Variants in DBH observed in about 807,000 individuals in gnomAD.
DBH encodes dopamine beta-hydroxylase (dopamine beta-monooxygenase).
DBH carries 49 observed loss-of-function variants against 64.0 expected under a neutral mutation model. That is an observed-to-expected ratio of 0.77 (90% confidence interval 0.61 to 0.97). The LOEUF (loss-of-function observed/expected upper bound fraction) is 0.97, where lower values mean the gene tolerates loss of function less well. Among genes scored for constraint, DBH ranks in the 50% least tolerant of loss-of-function variants. DBH has a pLI of 0.00. For missense variants in DBH, 828 were observed against 826.6 expected, an observed-to-expected ratio of 1.00 and a Z score of -0.02; for synonymous variants, 343 against 347.1, an observed-to-expected ratio of 0.99 and a Z score of 0.13.
In DBH at chr9:133,657,428, A is replaced by AGGG; in HGVS notation, c.1722+200_1722+201insGGG. 2 of 420,272 alleles carry AGGG rather than the reference A, an allele frequency of 4.8e-6. 1 individual carries two copies. The highest frequency in any genetic ancestry group is 8.6e-6 in the Non-Finnish European group (2 of 231,572). The allele number at this position is 420,272 out of a possible 1,614,324, so 26.0% of individuals were successfully genotyped here. On this transcript the variant is annotated intron_variant, in intron 11 of 11. Coordinates refer to ENST00000393056, the MANE Select transcript of DBH (RefSeq NM_000787.4). Reference sequence around the variant, plus strand: ...AGAGAGGAGAGAGGAGAGAGAGGAGAGAGAGGAGAGAGAGGAGAGAGAGGA... The same window carrying AGGG: ...AGAGAGGAGAGAGGAGAGAGAGGAGAGGGGAGAGGAGAGAGAGGAGAGAGAGGA...
intron 1 of DBH, among the ~76,000 whole-genome samples, chr9:133,637,753 C>T (rs1832069553): frequency 6.6e-6 from 1 of 152,194 alleles, no homozygotes; most frequent in South Asian, 2.1e-4. Context: ...AGCTTGCCCC[C>T]TCCAATTCCC....
intron 6 of DBH, among the ~76,000 whole-genome samples, chr9:133,650,298 G>A (rs1832228598): frequency 6.6e-6 from 1 of 152,156 alleles, no homozygotes; most frequent in Non-Finnish European, 1.5e-5. Context: ...TCAGGGATGG[G>A]GCTGTCGGGA....
chr9:133,637,283 G>T (rs953314078), intron 1 of DBH, among the ~76,000 whole-genome samples: 4 of 152,240 alleles, frequency 2.6e-5, no homozygotes, highest in Admixed American at 2.6e-4. Flanking sequence ...AAACTGTTAG[G>T]ATGGGCTCTT....
chr9:133,656,987 G>A lies in DBH; in HGVS notation c.1563-83G>A, dbSNP rs1404001421. 3 of 1,490,746 alleles carry A rather than the reference G, an allele frequency of 2.0e-6. No homozygotes were observed. The African/African-American group carries it at 4.1e-5, about 21-fold the overall frequency. 92.3% of individuals were successfully genotyped at this position (1,490,746 alleles called of 1,614,324 possible). ...CGGTTGCCCCAGGGACAGGACTCGA[G>A]TTGCAGGGAGGTGTTGCTGGTGCCC... is the stretch of plus-strand genomic sequence containing the variant. On this transcript the variant is annotated intron_variant, in intron 10 of 11. Transcript: ENST00000393056.
At chr9:133,651,521 T>A in intron 6 of DBH, 113 bp from the exon 7 acceptor site, 1 of 1,336,216 alleles carries the variant, frequency 7.5e-7, no homozygotes. Context: ...AAAATGCAAG[T>A]GTTCCAGGGA....
chr9:133,646,698 ATTT>A lies in DBH; in HGVS notation c.1025-1145_1025-1143del, dbSNP rs1275544594. Among the ~76,000 whole-genome samples the A allele has an allele frequency of 7.9e-5, 12 of 151,676 alleles. No homozygotes were observed. The East Asian group carries it at 1.4e-3, about 17-fold the overall frequency. Reference sequence around the variant, plus strand: ...GCCACCACACCTGGCTAATTTTTGTATTTTTAGTAGAGACAGGGTTTCGCCATG... The same window carrying A: ...GCCACCACACCTGGCTAATTTTTGTATTAGTAGAGACAGGGTTTCGCCATG... On this transcript the variant is annotated intron_variant, in intron 5 of 11. Transcript: ENST00000393056.
In DBH at chr9:133,636,428, C is replaced by T; in HGVS notation, c.57C>T (p.Ala19=). 4 of 1,612,814 alleles carry T rather than the reference C, an allele frequency of 2.5e-6. No homozygotes were observed. Among genetic ancestry groups the T allele is most frequent in the Non-Finnish European group, 3.4e-6 (4 of 1,179,916 alleles). The change falls in exon 1 of 12, where the codon GCC becomes GCT. Residue 19 remains alanine (A), a synonymous_variant. Transcript: ENST00000393056. The stretch of plus-strand genomic sequence containing the variant: ...CCGGCCCCAGCATGCGGGAGGCAGC[C>T]TTCATGTACAGCACAGCAGTGGCCA... ...SLPGPSMREA[A]FMYSTAVAIF...
At chr9:133,638,177 T>C (rs1450272426) in intron 1 of DBH, among the ~76,000 whole-genome samples, 15 of 152,244 alleles carry the variant, frequency 9.9e-5, no homozygotes, top group Admixed American at 9.8e-4. Flanking sequence ...CGAAAGCAAA[T>C]GTCAGCCTTA....
chr9:133,650,625 G>C (rs558027339), intron 6 of DBH, among the ~76,000 whole-genome samples: 1 of 142,492 alleles, frequency 7.0e-6, no homozygotes, highest in South Asian at 2.2e-4. Context: ...TTGGCTCACT[G>C]CAACCTCTGC....
rs13306302 is a variant in DBH, at chr9:133,643,709, C to T, written c.921+120C>T. ...AAGAAGGGGCTCCCAAGGGGGCTCA[C>T]GAGGCCACCAGAAGGGCCAGGCCTG... On this transcript the variant is annotated intron_variant, in intron 4 of 11. Transcript: ENST00000393056. The surrounding 1 kb of genome is among the most constrained non-coding windows in gnomAD (Gnocchi z 5.3). 1,278 of 1,179,114 alleles carry T rather than the reference C, an allele frequency of 1.1e-3. 5 individuals carry two copies. Among genetic ancestry groups the T allele is most frequent in the East Asian group, 6.4e-3 (252 of 39,158 alleles). The allele number at this position is 1,179,114 out of a possible 1,614,324, so 73.0% of individuals were successfully genotyped here. A position where few individuals can be genotyped will look rare whatever the true frequency, so the allele number is the denominator to read the frequency against.
At chr9:133,656,963 G>C in intron 10 of DBH, 107 bp from the exon 11 acceptor site, 1 of 1,320,412 alleles carries the variant, frequency 7.6e-7, no homozygotes, top group Non-Finnish European at 1.1e-6. Context: ...GTGGCAGGAC[G>C]GTTGCCCCAG....
intron 6 of DBH, 35 bp from the exon 7 acceptor site, chr9:133,651,599 T>C: frequency 6.2e-7 from 1 of 1,611,572 alleles, no homozygotes; most frequent in Non-Finnish European, 8.5e-7. Context: ...CCCTCGGGGG[T>C]CAGGCCCTGA....
rs1832240817 is a variant in DBH, at chr9:133,650,885, AGGT to A, written c.1192-748_1192-746del. On this transcript the variant is annotated intron_variant, in intron 6 of 11. Coordinates refer to ENST00000393056, the MANE Select transcript of DBH (RefSeq NM_000787.4). ...TTTCTATCTAAAAAAAGTTAGCATT[AGGT>A]TAGAGAAAACTTTCGTTCTCTGGAA... Among the ~76,000 whole-genome samples the A allele has an allele frequency of 3.9e-5, 6 of 152,328 alleles. No individual in the cohort carries two copies. The South Asian group carries it at 1.2e-3, about 32-fold the overall frequency.
Position 133,659,003 on chromosome 9 carries a change from G to A in DBH, c.*556G>A, listed in dbSNP as rs1832375349. 1 of 152,206 alleles carries A rather than the reference G, an allele frequency of 6.6e-6. No individual in the cohort carries two copies. The highest frequency in any genetic ancestry group is 1.5e-5 in the Non-Finnish European group (1 of 68,046). The allele number at this position is 152,206 out of a possible 1,614,324, so 9.4% of individuals were successfully genotyped here. On this transcript the variant is annotated 3_prime_UTR_variant, in exon 12 of 12. Coordinates refer to ENST00000393056, the MANE Select transcript of DBH (RefSeq NM_000787.4). ...TCGCCTGGGAAATTGCTCCATTCCT[G>A]AGTAAACAGATATTTTCGCCCACCT...
At position 133,636,471 on chromosome 9, in the gene DBH, G is replaced by A; in HGVS notation, c.100G>A (p.Val34Met). The A allele has an allele frequency of 6.2e-7, 1 of 1,612,914 alleles. No individual in the cohort carries two copies. The highest frequency in any genetic ancestry group is 8.5e-7 in the Non-Finnish European group (1 of 1,179,700). The change falls in exon 1 of 12, where the codon GTG becomes ATG. Residue 34 changes from valine (V) to methionine (M), a missense_variant. Val to Met is a conservative substitution (Grantham distance 21). Transcript: ENST00000393056. ...AGTGGCCATCTTCCTGGTCATCCTG[G>A]TGGCCGCACTGCAGGGCTCGGCTCC... is the stretch of plus-strand genomic sequence containing the variant. ...TAVAIFLVIL[V>M]AALQGSAPRE...
chr9:133,643,607 C>A lies in DBH; in HGVS notation c.921+18C>A, dbSNP rs1454200455. ...GTGCCAAGGTGCGTGCCCTGCGACC[C>A]CAGCATGGTGTCTCCTGCCTGGGCC... On this transcript the variant is annotated intron_variant, in intron 4 of 11. Transcript: ENST00000393056. This position sits in a 1 kb window ranked among gnomAD's most constrained non-coding sequence, Gnocchi z 5.3. The A allele has an allele frequency of 1.2e-6, 2 of 1,612,680 alleles. No individual in the cohort carries two copies. Among genetic ancestry groups the A allele is most frequent in the Non-Finnish European group, 1.7e-6 (2 of 1,179,760 alleles).
At chr9:133,653,371 C>A (rs969286775) in intron 9 of DBH, among the ~76,000 whole-genome samples, 1 of 152,164 alleles carries the variant, frequency 6.6e-6, no homozygotes, top group Non-Finnish European at 1.5e-5. Flanking sequence ...TGACCTTTGC[C>A]CCGTGGAGCT....
At position 133,643,172 on chromosome 9, in the gene DBH, C is replaced by A. The variant is rs561219468; in HGVS notation, c.745-241C>A. ...AGCCCCATATGCATGAGGACGGCTG[C>A]GTCCTGTCCCTGCCTTGGCCTGTAC... On this transcript the variant is annotated intron_variant, in intron 3 of 11. Coordinates refer to ENST00000393056, the MANE Select transcript of DBH (RefSeq NM_000787.4). The surrounding 1 kb of genome is among the most constrained non-coding windows in gnomAD (Gnocchi z 5.3). 7.1e-6 allele frequency among the ~76,000 whole-genome samples: 1 copy of A among 140,104 alleles called. No individual in the cohort carries two copies. Among genetic ancestry groups the A allele is most frequent in the East Asian group, 1.9e-4 (1 of 5,134 alleles). 91.9% of individuals were successfully genotyped at this position (140,104 alleles called of 152,430 possible).
chr9:133,657,313 C>A, intron 11 of DBH, 84 bp downstream of exon 11: 1 of 1,545,944 alleles, frequency 6.5e-7, no homozygotes, highest in Non-Finnish European at 8.9e-7. Context: ...GTCTGCACTC[C>A]AAACTGCTGG....
Sources: gnomAD v4.1 joint callset for allele counts (sites outside exome capture counted in the v4.1 genomes callset) on GRCh38, gnomAD v4.1.1 for gene constraint, Gnocchi (gnomAD v3.1) non-coding constraint, MANE v1.5 for transcripts, NCBI Gene and HGNC (gene_info 2026-07-23, HGNC 2026-07-21) for gene names.